The following FSD2 variants were observed in gnomAD, a reference collection of about 807,000 sequenced individuals.
The protein encoded by FSD2 is fibronectin type III and SPRY domain-containing protein 2.
FSD2 carries 71 observed loss-of-function variants against 80.4 expected under a neutral mutation model. The ratio of observed to expected loss-of-function variants is 0.88; its 90% confidence interval spans 0.73 to 1.08. The LOEUF (loss-of-function observed/expected upper bound fraction) is 1.08, where lower values mean the gene tolerates loss of function less well. Among genes scored for constraint, FSD2 ranks in the 50% least tolerant of loss-of-function variants. FSD2 has a pLI of 0.00. For synonymous variants in FSD2, 361 were observed against 329.5 expected (o/e 1.10, Z -1.03); for missense variants, 923 against 913.8 (o/e 1.01, Z -0.13).
At chr15:82,783,140 C>A (rs919350265) in intron 3 of FSD2, 115 bp from the exon 4 acceptor site, 6 of 752,694 alleles carry the variant, frequency 8.0e-6, no homozygotes, top group Non-Finnish European at 1.3e-5. Flanking sequence ...GCAGTGTTGC[C>A]CAGGCTGGAG....
chr15:82,767,467 A>T (rs2049451586), intron 9 of FSD2, among the ~76,000 whole-genome samples: 1 of 152,182 alleles, frequency 6.6e-6, no homozygotes, highest in African/African-American at 2.4e-5. Context: ...CTGGAGAGGC[A>T]GGAAGGGGCC....
chr15:82,791,029 C>T (rs374825565), intron 1 of FSD2, among the ~76,000 whole-genome samples: 3 of 151,856 alleles, frequency 2.0e-5, no homozygotes, highest in Non-Finnish European at 2.9e-5. Context: ...GGCGGAGTCT[C>T]GCTTTGTCAC....
Position 82,755,936 on chromosome 15 carries a change from T to G in FSD2, c.*3412A>C. 1 of 506,528 alleles carries G rather than the reference T, an allele frequency of 2.0e-6. No individual in the cohort carries two copies. Among genetic ancestry groups the G allele is most frequent in the Non-Finnish European group, 3.9e-6 (1 of 254,770 alleles). 31.4% of individuals were successfully genotyped at this position (506,528 alleles called of 1,614,324 possible). On this transcript the variant is annotated 3_prime_UTR_variant, in exon 13 of 13. Coordinates refer to ENST00000334574, the MANE Select transcript of FSD2 (RefSeq NM_001007122.4). ...CAGTGTTTTAAAAGCTGGATTTGGT[T>G]ATGTTCTTCTGGAGACTAAGAAAAT... is the stretch of plus-strand genomic sequence containing the variant.
chr15:82,796,527 C>T (rs1019429581), intron 1 of FSD2, among the ~76,000 whole-genome samples: 1 of 152,224 alleles, frequency 6.6e-6, no homozygotes, highest in Non-Finnish European at 1.5e-5. Context: ...CACAATCACC[C>T]AGACGAACTG....
chr15:82,757,975 A>G lies in FSD2; in HGVS notation c.*1373T>C, dbSNP rs60520444. On this transcript the variant is annotated 3_prime_UTR_variant, in exon 13 of 13. Coordinates refer to ENST00000334574, the MANE Select transcript of FSD2 (RefSeq NM_001007122.4). ...GCCAAGGCTGGAGTGCAGTGGCACA[A>G]TCTCGGCTCACTGCAGCCTCTGCCC... 0.026 allele frequency: 3,969 copies of G among 152,232 alleles called. 157 individuals are homozygous for G. Among genetic ancestry groups the G allele is most frequent in the African/African-American group, 0.091 (3,769 of 41,454 alleles). 9.4% of individuals were successfully genotyped at this position (152,232 alleles called of 1,614,324 possible). A position where few individuals can be genotyped will look rare whatever the true frequency, so the allele number is the denominator to read the frequency against.
Position 82,759,651 on chromosome 15 carries a change from T to TAAA in FSD2, c.1998-52_1998-51insTTT, listed in dbSNP as rs1596223160. The TAAA allele has an allele frequency of 3.6e-6, 5 of 1,375,658 alleles. No homozygotes were observed. The East Asian group carries it at 1.2e-4, about 34-fold the overall frequency. 85.2% of individuals were successfully genotyped at this position (1,375,658 alleles called of 1,614,324 possible). A position where few individuals can be genotyped will look rare whatever the true frequency, so the allele number is the denominator to read the frequency against. On this transcript the variant is annotated intron_variant, in intron 12 of 12. Coordinates refer to ENST00000334574, the MANE Select transcript of FSD2 (RefSeq NM_001007122.4). ...AGTTTCAGTAATTCTATAGATTGAC[T>TAAA]ATTTATAGAACATTTCATACTAATT...
At position 82,758,486 on chromosome 15, in the gene FSD2, A is replaced by C. The variant is rs1356952671; in HGVS notation, c.*862T>G. The C allele has an allele frequency of 2.6e-5, 4 of 153,200 alleles. No homozygotes were observed. The highest frequency in any genetic ancestry group is 4.4e-5 in the Non-Finnish European group (3 of 68,054). The allele number at this position is 153,200 out of a possible 1,614,324, so 9.5% of individuals were successfully genotyped here. A position where few individuals can be genotyped will look rare whatever the true frequency, so the allele number is the denominator to read the frequency against. On this transcript the variant is annotated 3_prime_UTR_variant, in exon 13 of 13. Coordinates refer to ENST00000334574, the MANE Select transcript of FSD2 (RefSeq NM_001007122.4). ...TTTAAAAAATTGTTGTGCATTTGCT[A>C]ATATGCCACAGATGCCCTTCTGTTC... is the stretch of plus-strand genomic sequence containing the variant.
At chr15:82,761,242 A>T (rs2049290003) in intron 12 of FSD2, among the ~76,000 whole-genome samples, 1 of 152,198 alleles carries the variant, frequency 6.6e-6, no homozygotes, top group Non-Finnish European at 1.5e-5. Context: ...ACAAGGTGTG[A>T]TAGGAAAGCA....
At chr15:82,773,433 G>A (rs938414379) in intron 6 of FSD2, among the ~76,000 whole-genome samples, 9 of 152,158 alleles carry the variant, frequency 5.9e-5, no homozygotes, top group Admixed American at 2.0e-4. Flanking sequence ...GAGATGCAGC[G>A]TAAGAAAATG....
rs1324108174 is a variant in FSD2 at position 82,775,252 on chromosome 15, G to T, written c.1112-3024C>A. On this transcript the variant is annotated intron_variant, in intron 6 of 12. Coordinates refer to ENST00000334574, the MANE Select transcript of FSD2 (RefSeq NM_001007122.4). ...TGTCTAATAAAAATATAAAAAATTA[G>T]CCAGGCATGGTAGCGGGTGCCTGTA... is the stretch of plus-strand genomic sequence containing the variant. Among the ~76,000 whole-genome samples, 3 of 151,624 alleles carry T rather than the reference G, an allele frequency of 2.0e-5. No individual in the cohort carries two copies. In the East Asian group the frequency reaches 5.9e-4, roughly 30 times the overall value.
intron 1 of FSD2, among the ~76,000 whole-genome samples, chr15:82,800,978 C>A (rs1360381521): frequency 6.6e-6 from 1 of 152,140 alleles, no homozygotes; most frequent in Admixed American, 6.5e-5. Context: ...TGTGCAAGCA[C>A]TAGAAAAACT....
intron 5 of FSD2, among the ~76,000 whole-genome samples, chr15:82,779,837 T>C (rs1596245323): frequency 6.6e-6 from 1 of 152,116 alleles, no homozygotes; most frequent in South Asian, 2.1e-4. Context: ...TTAGATTTGC[T>C]CAAGGTCATG....
chr15:82,760,592 CTA>C (rs56128811), intron 12 of FSD2, among the ~76,000 whole-genome samples: 2 of 151,954 alleles, frequency 1.3e-5, no homozygotes, highest in South Asian at 4.1e-4. Context: ...CTGCCAGAAG[CTA>C]TGAGTCGTTT....
chr15:82,768,675 G>A (rs1015122138), intron 9 of FSD2, among the ~76,000 whole-genome samples: 1 of 152,180 alleles, frequency 6.6e-6, no homozygotes, highest in Non-Finnish European at 1.5e-5. Flanking sequence ...CAAAACCTGA[G>A]GTTCAACCAA....
intron 11 of FSD2, 86 bp from the exon 12 acceptor site, chr15:82,762,364 T>C (rs1378429251): frequency 2.4e-5 from 32 of 1,352,604 alleles, no homozygotes; most frequent in Non-Finnish European, 3.1e-5. Context: ...CTGGGATCAG[T>C]CAGTCGGTGG....
chr15:82,773,544 C>G (rs974008015), intron 6 of FSD2, among the ~76,000 whole-genome samples: 4 of 152,158 alleles, frequency 2.6e-5, no homozygotes, highest in African/African-American at 9.7e-5. Flanking sequence ...AGAAAAATGT[C>G]ACTGCTTCTC....
rs2049387543 is a variant in FSD2 at position 82,765,216 on chromosome 15, T to G, written c.1770A>C (p.Glu590Asp). The G allele has an allele frequency of 6.2e-7, 1 of 1,609,916 alleles. No individual in the cohort carries two copies. Among genetic ancestry groups the G allele is most frequent in the Non-Finnish European group, 8.5e-7 (1 of 1,177,704 alleles). The change falls in exon 11 of 13, where the codon GAA (glutamate) becomes GAC (aspartate). Residue 590 changes from glutamate (E) to aspartate (D), a missense_variant. Physicochemically the swap from Glu to Asp is conservative, Grantham distance 45 (BLOSUM62 2). Coordinates refer to ENST00000334574, the MANE Select transcript of FSD2 (RefSeq NM_001007122.4). ...SEDGLTAVRS[E>D]RRTPARELSP... is the part of the protein sequence containing the mutation. ...ACAGCTCCCTGGCGGGGGTTCTCCT[T>G]TCACTTCGTACAGCCGTAAGTCCGT...
At chr15:82,789,001 ACT>A (rs1180349019) in intron 1 of FSD2, among the ~76,000 whole-genome samples, 1 of 151,208 alleles carries the variant, frequency 6.6e-6, no homozygotes, top group Non-Finnish European at 1.5e-5. Flanking sequence ...AAGTGTTCAT[ACT>A]CTCTAGCCTG....
intron 1 of FSD2, among the ~76,000 whole-genome samples, chr15:82,793,221 A>C (rs1213563492): frequency 6.6e-6 from 1 of 152,006 alleles, no homozygotes; most frequent in South Asian, 2.1e-4. Flanking sequence ...TCAGCATCCC[A>C]TTGGAAAAAT....
Sources: gnomAD v4.1 joint callset for allele counts (sites outside exome capture counted in the v4.1 genomes callset) on GRCh38, gnomAD v4.1.1 for gene constraint, MANE v1.5 for transcripts, NCBI Gene and HGNC (gene_info 2026-07-23, HGNC 2026-07-21) for gene names.